ING5: variants seen among roughly 807,000 people sequenced by gnomAD.
ING5 encodes the protein inhibitor of growth family member 5.
Under a neutral mutation model 37.4 loss-of-function variants are expected in ING5, and 17 were observed. That is an observed-to-expected ratio of 0.45 (90% confidence interval 0.31 to 0.68). The LOEUF is 0.68. ING5 is among the 30% of genes least tolerant of loss of function. The pLI, the probability that ING5 is intolerant of heterozygous loss-of-function variation, is 0.05. For synonymous variants in ING5, 123 were observed against 116.6 expected (o/e 1.06, Z -0.36); for missense variants, 233 against 311.9 (o/e 0.75, Z 1.91).
chr2:241,692,466 C>CT (rs577054689), intron 2 of ING5, among the ~76,000 whole-genome samples: 211 of 143,578 alleles, frequency 1.5e-3, no homozygotes, highest in East Asian at 3.5e-3. Context: ...ACACATCTGG[C>CT]TTTTTTTTTT....
At chr2:241,719,011 C>G (rs1162112000) in intron 5 of ING5, among the ~76,000 whole-genome samples, 1 of 152,222 alleles carries the variant, frequency 6.6e-6, no homozygotes, top group African/African-American at 2.4e-5. Context: ...GGTGTTCGTT[C>G]TGTTTTAGTC....
rs1380126797 is a variant in ING5 at position 241,725,428 on chromosome 2, C to G, written c.*397C>G. The G allele has an allele frequency of 6.0e-6, 1 of 167,478 alleles. No individual in the cohort carries two copies. Among genetic ancestry groups the G allele is most frequent in the Admixed American group, 6.4e-5 (1 of 15,630 alleles). 10.4% of individuals were successfully genotyped at this position (167,478 alleles called of 1,614,324 possible). A position where few individuals can be genotyped will look rare whatever the true frequency, so the allele number is the denominator to read the frequency against. The stretch of plus-strand genomic sequence containing the variant: ...CCAGGACTGTCCGGTACAGCCCGGG[C>G]TCCGCGTGCCCCGCCCGCTGGAGCA... On this transcript the variant is annotated 3_prime_UTR_variant, in exon 8 of 8. Coordinates refer to ENST00000313552, the MANE Select transcript of ING5 (RefSeq NM_032329.6).
intron 2 of ING5, among the ~76,000 whole-genome samples, chr2:241,707,013 G>A (rs2069937896): frequency 7.0e-6 from 1 of 142,692 alleles, no homozygotes; most frequent in South Asian, 2.2e-4. Flanking sequence ...AGGCTGGCGT[G>A]CGATGGCGCG....
upstream of ING5, among the ~76,000 whole-genome samples, chr2:241,701,151 T>A (rs142648529): frequency 0.064 from 7,614 of 118,340 alleles, 449 homozygotes; most frequent in African/African-American, 0.17. Context: ...TTTAGTAGAG[T>A]CGGGGTTTCA....
At chr2:241,703,731 G>T (rs182888397) in intron 1 of ING5, among the ~76,000 whole-genome samples, 5 of 152,056 alleles carry the variant, frequency 3.3e-5, no homozygotes, top group Non-Finnish European at 7.4e-5. Flanking sequence ...CTAGCCTCTC[G>T]AGTAGCTGGG....
intron 7 of ING5, 109 bp from the exon 8 acceptor site, chr2:241,724,880 C>T: frequency 8.6e-7 from 1 of 1,168,738 alleles, no homozygotes; most frequent in Middle Eastern, 2.3e-4. Context: ...TCCTGGTGCC[C>T]TCCTGCCGGC....
At chr2:241,700,474 G>T (rs1362416449), upstream of ING5, among the ~76,000 whole-genome samples, 1 of 148,294 alleles carries the variant, frequency 6.7e-6, no homozygotes, top group Non-Finnish European at 1.5e-5. Context: ...TTTTATTTTT[G>T]AGATGGAATC....
At chr2:241,720,101 G>T in intron 5 of ING5, 1 of 1,239,372 alleles carries the variant, frequency 8.1e-7, no homozygotes, top group Non-Finnish European at 1.0e-6. Context: ...GATGGTGCAG[G>T]TGGGCAGACG....
chr2:241,722,793 A>G (rs1291953959), intron 5 of ING5, 146 bp from the exon 6 acceptor site: 3 of 1,490,176 alleles, frequency 2.0e-6, no homozygotes, highest in Non-Finnish European at 2.7e-6. Context: ...CGCTCAGAGC[A>G]CGGTACCAAT....
chr2:241,708,100 A>G (rs924888823), intron 2 of ING5, among the ~76,000 whole-genome samples: 6 of 151,750 alleles, frequency 4.0e-5, no homozygotes, highest in African/African-American at 1.5e-4. Flanking sequence ...GTTTCACCAC[A>G]TTGGCCAGGA....
chr2:241,688,950 C>T (rs186884993), intron 1 of ING5, among the ~76,000 whole-genome samples: 14 of 152,198 alleles, frequency 9.2e-5, no homozygotes, highest in Non-Finnish European at 1.6e-4. Flanking sequence ...AGGTGCCCAC[C>T]ATCATGCCCG....
At chr2:241,706,792 T>C (rs917795349) in intron 2 of ING5, among the ~76,000 whole-genome samples, 1 of 152,168 alleles carries the variant, frequency 6.6e-6, no homozygotes, top group African/African-American at 2.4e-5. Flanking sequence ...TGCTGCCTTG[T>C]CTCCTAGCTT....
intron 3 of ING5, among the ~76,000 whole-genome samples, chr2:241,709,856 C>T (rs910882884): frequency 2.0e-5 from 3 of 152,272 alleles, no homozygotes; most frequent in Non-Finnish European, 1.5e-5. Flanking sequence ...ATCCACTCGC[C>T]TCAGCCTCCC....
chr2:241,710,996 G>T lies in ING5; in HGVS notation c.277-381G>T, dbSNP rs909533357. ...ACTCCTGACCTCAGGTGATCAGACT[G>T]CCTCGACCTCCCAAAGTGCTGGGAT... is the stretch of plus-strand genomic sequence containing the variant. On this transcript the variant is annotated intron_variant, in intron 3 of 7. Transcript: ENST00000313552. Among the ~76,000 whole-genome samples the T allele has an allele frequency of 1.1e-4, 16 of 152,278 alleles. 1 individual carries two copies. The highest frequency in any genetic ancestry group is 9.8e-4 in the Admixed American group (15 of 15,288).
intron 5 of ING5, chr2:241,719,925 G>T: frequency 7.7e-7 from 1 of 1,306,816 alleles, no homozygotes; most frequent in Non-Finnish European, 9.7e-7. Context: ...GGGGCCCTGC[G>T]GCTCTGGATC....
intron 1 of ING5, among the ~76,000 whole-genome samples, chr2:241,703,338 G>C (rs2069802257): frequency 6.6e-6 from 1 of 152,158 alleles, no homozygotes. Flanking sequence ...CAGCAGATGG[G>C]AGGGTGGCCA....
chr2:241,704,576 A>G (rs2069845571), intron 1 of ING5, 77 bp from the exon 2 acceptor site: 1 of 1,231,158 alleles, frequency 8.1e-7, no homozygotes, highest in African/African-American at 1.5e-5. Context: ...CTCAAAAAAA[A>G]AAGACAGAAA....
At chr2:241,711,763 TGGTGGTGC>T in intron 4 of ING5, 1 of 586,806 alleles carries the variant, frequency 1.7e-6, no homozygotes, top group Non-Finnish European at 3.0e-6. Flanking sequence ...TAGCCAGGTG[TGGTGGTGC>T]ACACCTGTGG....
chr2:241,719,508 G>A, intron 5 of ING5: 1 of 1,524,270 alleles, frequency 6.6e-7, no homozygotes, highest in Non-Finnish European at 8.8e-7. Flanking sequence ...GAGTCTTCCT[G>A]CTCCTTCCTG....
Sources: gnomAD v4.1 joint callset for allele counts (sites outside exome capture counted in the v4.1 genomes callset) on GRCh38, gnomAD v4.1.1 for gene constraint, MANE v1.5 for transcripts, NCBI Gene and HGNC (gene_info 2026-07-23, HGNC 2026-07-21) for gene names.